The following PDLIM3 variants were observed in gnomAD, a reference collection of about 807,000 sequenced individuals.
PDLIM3 encodes PDZ and LIM domain 3.
A neutral mutation model predicts 37.3 loss-of-function variants in PDLIM3; 36 were observed. The observed-to-expected ratio is 0.97, with a 90% CI of 0.74 to 1.28. The LOEUF (loss-of-function observed/expected upper bound fraction) is 1.28. Ranked by LOEUF, PDLIM3 falls within the 50% of genes most tolerant of loss-of-function variation. The pLI is 0.00. For synonymous variants in PDLIM3, 174 were observed against 182.4 expected, an observed-to-expected ratio of 0.95 and a Z score of 0.37; for missense variants, 454 against 485.0, an observed-to-expected ratio of 0.94 and a Z score of 0.60.
At chr4:185,508,150 C>A (rs2095700853) in intron 5 of PDLIM3, 149 bp downstream of exon 5, 1 of 785,646 alleles carries the variant, frequency 1.3e-6, no homozygotes, top group East Asian at 2.5e-5. Flanking sequence ...TCTTTCCAAG[C>A]CTAGATATTT....
chr4:185,511,267 T>C (rs1263816775), intron 4 of PDLIM3, among the ~76,000 whole-genome samples: 1 of 152,238 alleles, frequency 6.6e-6, no homozygotes, highest in Non-Finnish European at 1.5e-5. Flanking sequence ...ACCAGTCTTT[T>C]AAAAGGCTTC....
chr4:185,509,077 A>G (rs991356808), intron 4 of PDLIM3, among the ~76,000 whole-genome samples: 1 of 152,264 alleles, frequency 6.6e-6, no homozygotes, highest in African/African-American at 2.4e-5. Context: ...TTTCAAAATC[A>G]GAAGTATATT....
At chr4:185,505,350 G>C (rs956249079) in intron 6 of PDLIM3, among the ~76,000 whole-genome samples, 2 of 152,220 alleles carry the variant, frequency 1.3e-5, no homozygotes, top group South Asian at 2.1e-4. Flanking sequence ...CAGGCTGGGC[G>C]TGGTGGCTCA....
intron 5 of PDLIM3, chr4:185,506,987 C>T (rs1429458434): frequency 1.2e-5 from 3 of 243,498 alleles, no homozygotes; most frequent in Non-Finnish European, 2.5e-5. Context: ...TAGATGTGAA[C>T]AAAATTAACT....
Position 185,523,403 on chromosome 4 carries a change from TC to T in PDLIM3, c.288del (p.Ala98ProfsTer8). 6.2e-7 allele frequency: 1 copy of T among 1,612,648 alleles called. No homozygotes were observed. The highest frequency in any genetic ancestry group is 8.5e-7 in the Non-Finnish European group (1 of 1,178,760). On this transcript the variant is annotated frameshift_variant, in exon 3 of 8. Coordinates refer to ENST00000284767, the MANE Select transcript of PDLIM3 (RefSeq NM_014476.6). LOFTEE classifies it high-confidence loss of function. ...HLWSPQVSED[G>X]KAHPFKINLE... The stretch of plus-strand genomic sequence containing the variant: ...AAGTTGATTTTGAAAGGATGGGCTT[TC>T]CCATCTTCAGATACTTGTGGAGACC...
chr4:185,516,196 CA>C (rs1561197181), intron 3 of PDLIM3: 1 of 152,234 alleles, frequency 6.6e-6, no homozygotes, highest in African/African-American at 2.4e-5. Context: ...CCACCGCGCC[CA>C]GTCCCAAATC....
intron 4 of PDLIM3, chr4:185,512,773 T>C (rs1440602651): frequency 2.6e-5 from 26 of 985,158 alleles, no homozygotes; most frequent in Non-Finnish European, 3.0e-5. Flanking sequence ...GGAAGTTGTA[T>C]ATATTCAACA....
intron 4 of PDLIM3, among the ~76,000 whole-genome samples, chr4:185,511,753 A>G (rs150716306): frequency 7.9e-5 from 12 of 152,318 alleles, no homozygotes; most frequent in Admixed American, 7.2e-4. Flanking sequence ...GTATATTTCA[A>G]AATAACTAGA....
In PDLIM3 at chr4:185,525,066, C is replaced by A. The variant is rs903031887; in HGVS notation, c.199G>T (p.Asp67Tyr). ...TGGTGAGCTGCTGCTTTAATCCTGT[C>A]CTGCGCATCAGCATGAGTCATGGAC... ...TESMTHADAQDRIKAAAHQLC... is the reference protein window; with the variant it reads ...TESMTHADAQYRIKAAAHQLC... The change falls in exon 2 of 8, where the codon GAC becomes TAC. Residue 67 changes from aspartate (D) to tyrosine (Y), a missense_variant. Transcript: ENST00000284767. 6.2e-7 allele frequency: 1 copy of A among 1,614,036 alleles called. No homozygotes were observed. The highest frequency in any genetic ancestry group is 1.3e-5 in the African/African-American group (1 of 74,928).
intron 4 of PDLIM3, chr4:185,512,959 G>A (rs913489970): frequency 3.0e-6 from 3 of 985,430 alleles, no homozygotes; most frequent in Non-Finnish European, 3.6e-6. Flanking sequence ...CATCGGGAGC[G>A]AGACGGCTCT....
In PDLIM3 at chr4:185,522,290, CACTT is replaced by C. The variant is rs2095724316; in HGVS notation, c.330+1068_330+1071del. ...ACGTACTGATAATAAGGACAGCTACCACTTACTTGAGTATTTCTATGAATAACTC... is the reference window on the plus strand; with the variant it reads ...ACGTACTGATAATAAGGACAGCTACCACTTGAGTATTTCTATGAATAACTC... On this transcript the variant is annotated intron_variant, in intron 3 of 7. Coordinates refer to ENST00000284767, the MANE Select transcript of PDLIM3 (RefSeq NM_014476.6). 3.0e-5 allele frequency among the ~76,000 whole-genome samples: 2 copies of C among 66,036 alleles called. 1 individual carries two copies. Among genetic ancestry groups the C allele is most frequent in the Admixed American group, 3.4e-4 (2 of 5,848 alleles). 43.3% of individuals were successfully genotyped at this position (66,036 alleles called of 152,430 possible).
chr4:185,507,427 A>G (rs1185340080), intron 5 of PDLIM3, among the ~76,000 whole-genome samples: 1 of 152,160 alleles, frequency 6.6e-6, no homozygotes, highest in Non-Finnish European at 1.5e-5. Context: ...ATTTTATTGC[A>G]TTATCTAGAA....
chr4:185,503,142 T>C (rs1270945407), intron 7 of PDLIM3, among the ~76,000 whole-genome samples: 1 of 152,140 alleles, frequency 6.6e-6, no homozygotes. Flanking sequence ...GAGAATGGTG[T>C]GAACCCGGGA....
At chr4:185,528,520 C>G (rs746215389) in intron 1 of PDLIM3, among the ~76,000 whole-genome samples, 1 of 152,194 alleles carries the variant, frequency 6.6e-6, no homozygotes, top group African/African-American at 2.4e-5. Context: ...CACGTTTGAC[C>G]ATTACAACTC....
intron 1 of PDLIM3, among the ~76,000 whole-genome samples, chr4:185,531,928 A>G (rs924405382): frequency 6.9e-6 from 1 of 145,550 alleles, no homozygotes; most frequent in Non-Finnish European, 1.5e-5. Flanking sequence ...ATCTCTACTA[A>G]AAAAAAAAAA....
At chr4:185,532,367 T>C (rs2095746074) in intron 1 of PDLIM3, among the ~76,000 whole-genome samples, 2 of 152,126 alleles carry the variant, frequency 1.3e-5, no homozygotes, top group Non-Finnish European at 2.9e-5. Context: ...ACAGATGCAG[T>C]GGAACATCTG....
chr4:185,502,580 TCA>T lies in PDLIM3; in HGVS notation c.906-99_906-98del, dbSNP rs34016200. 166,793 of 1,127,932 alleles carry T rather than the reference TCA, an allele frequency of 0.15. 13,911 individuals carry two copies. Among genetic ancestry groups the T allele is most frequent in the East Asian group, 0.26 (10,846 of 41,446 alleles). 69.9% of individuals were successfully genotyped at this position (1,127,932 alleles called of 1,614,324 possible). A position where few individuals can be genotyped will look rare whatever the true frequency, so the allele number is the denominator to read the frequency against. ...ACAGAGAAGGCAGATGTTCTCTATT[TCA>T]CAGTCAGGAAACAATGGCCTCCAGC... On this transcript the variant is annotated intron_variant, in intron 7 of 7. Transcript: ENST00000284767.
In PDLIM3 at chr4:185,502,350, C is replaced by T; in HGVS notation, c.1039G>A (p.Ala347Thr). Residue 347 changes from alanine to threonine, a missense_variant, in exon 8 of 8, where the codon GCC becomes ACC. Coordinates refer to ENST00000284767, the MANE Select transcript of PDLIM3 (RefSeq NM_014476.6). Reference sequence around the variant, plus strand: ...TAGCCCTCTGGGGGCTTTGTGCGGGCTCTTGCGTGGGTTTCGCAGTACAGC... The same window carrying T: ...TAGCCCTCTGGGGGCTTTGTGCGGGTTCTTGCGTGGGTTTCGCAGTACAGC... ...GELYCETHAR[A>T]RTKPPEGYDT... The T allele has an allele frequency of 1.2e-6, 2 of 1,614,218 alleles. No homozygotes were observed. The highest frequency in any genetic ancestry group is 1.7e-6 in the Non-Finnish European group (2 of 1,180,042).
chr4:185,513,007 C>A lies in PDLIM3; in HGVS notation c.398+1263G>T, dbSNP rs961435038. 6 of 985,268 alleles carry A rather than the reference C, an allele frequency of 6.1e-6. No homozygotes were observed. The African/African-American group carries it at 1.0e-4, about 17-fold the overall frequency. 61.0% of individuals were successfully genotyped at this position (985,268 alleles called of 1,614,324 possible). ...CCACTTGCTTGGGAAATGTTGTGCACCCTCAGGATTTGATTCCTTTATCCA... is the reference window on the plus strand; with the variant it reads ...CCACTTGCTTGGGAAATGTTGTGCAACCTCAGGATTTGATTCCTTTATCCA... On this transcript the variant is annotated intron_variant, in intron 4 of 7. Coordinates refer to ENST00000284767, the MANE Select transcript of PDLIM3 (RefSeq NM_014476.6).
Sources: allele counts gnomAD v4.1 joint callset (sites outside exome capture counted in the v4.1 genomes callset), GRCh38; gene constraint gnomAD v4.1.1; transcripts MANE v1.5; gene names NCBI Gene and HGNC (gene_info 2026-07-23, HGNC 2026-07-21).